ATAD1: variants seen among roughly 807,000 people sequenced by gnomAD.
ATAD1 encodes ATPase family AAA domain containing 1.
ATAD1 carries 18 observed loss-of-function variants against 42.7 expected under a neutral mutation model. The observed-to-expected ratio is 0.42, with a 90% CI of 0.29 to 0.63. ATAD1 has a LOEUF of 0.63. Among genes scored for constraint, ATAD1 ranks in the 20% least tolerant of loss-of-function variants. ATAD1 has a pLI of 0.19. For synonymous variants in ATAD1, 132 were observed against 143.1 expected, an observed-to-expected ratio of 0.92 and a Z score of 0.55; for missense variants, 294 against 440.4, an observed-to-expected ratio of 0.67 and a Z score of 2.98.
chr10:87,809,190 T>C (rs1589550051), intron 2 of ATAD1, among the ~76,000 whole-genome samples: 2 of 152,140 alleles, frequency 1.3e-5, no homozygotes, highest in African/African-American at 4.8e-5. Context: ...CCTTACACAA[T>C]ACAGGGATTG....
intron 1 of ATAD1, among the ~76,000 whole-genome samples, chr10:87,815,903 C>T (rs570817577): frequency 3.3e-4 from 51 of 152,242 alleles, no homozygotes; most frequent in Admixed American, 2.2e-3. Flanking sequence ...GGAGTCACTA[C>T]CATCTGAAAA....
chr10:87,818,276 C>A (rs1344812888), upstream of ATAD1: 3 of 985,040 alleles, frequency 3.0e-6, no homozygotes, highest in Non-Finnish European at 3.6e-6. Context: ...CTCCCTCCCA[C>A]GGAGCATGCG....
upstream of ATAD1, among the ~76,000 whole-genome samples, chr10:87,821,266 G>T (rs1857626093): frequency 6.6e-6 from 1 of 152,092 alleles, no homozygotes; most frequent in South Asian, 2.1e-4. Context: ...AGTGGCTCAC[G>T]CTTGTAATCC....
chr10:87,777,559 T>C (rs1004963740), intron 5 of ATAD1, among the ~76,000 whole-genome samples: 1 of 151,976 alleles, frequency 6.6e-6, no homozygotes, highest in Non-Finnish European at 1.5e-5. Context: ...AATTTTATTT[T>C]AGAATATAAG....
At position 87,809,572 on chromosome 10, in the gene ATAD1, T is replaced by C. The variant is rs181058561; in HGVS notation, c.162+4866A>G. ...TGCTTATGAGTGGACCTATGCAGTT[T>C]AAACACGTTGTTTGTTGTTCAAGGG... On this transcript the variant is annotated intron_variant, in intron 2 of 9. Transcript: ENST00000680024. 1.2e-4 allele frequency among the ~76,000 whole-genome samples: 18 copies of C among 152,046 alleles called. No individual in the cohort carries two copies. In the East Asian group the frequency reaches 3.3e-3, roughly 28 times the overall value.
In ATAD1 at chr10:87,753,424, TA is replaced by T. The variant is rs1854094559; in HGVS notation, c.*1262del. 6.6e-6 allele frequency: 1 copy of T among 152,220 alleles called. No individual in the cohort carries two copies. The highest frequency in any genetic ancestry group is 1.5e-5 in the Non-Finnish European group (1 of 68,022). The allele number at this position is 152,220 out of a possible 1,614,324, so 9.4% of individuals were successfully genotyped here. On this transcript the variant is annotated 3_prime_UTR_variant, in exon 10 of 10. Coordinates refer to ENST00000680024, the MANE Select transcript of ATAD1 (RefSeq NM_001321967.2). ...AGTAAAAGCAAAAACATATGAAGCA[TA>T]ATTTAATCTGATGATTCAGAAGGCA...
At chr10:87,758,635 A>G (rs1272945657) in intron 8 of ATAD1, among the ~76,000 whole-genome samples, 3 of 152,200 alleles carry the variant, frequency 2.0e-5, no homozygotes, top group African/African-American at 7.2e-5. Context: ...AAAGAAAAGC[A>G]GGAAGTAAAA....
intron 1 of ATAD1, chr10:87,832,360 C>T (rs1857848294): frequency 6.6e-6 from 1 of 151,658 alleles, no homozygotes; most frequent in Non-Finnish European, 1.5e-5. Context: ...TACCATTGCA[C>T]TCCAGCCTGG....
chr10:87,755,576 G>A (rs765787205), intron 9 of ATAD1, among the ~76,000 whole-genome samples: 3 of 151,958 alleles, frequency 2.0e-5, no homozygotes, highest in Admixed American at 1.3e-4. Context: ...CAAAATTTAC[G>A]AACTGGTTGG....
chr10:87,771,885 C>T (rs1855048839), intron 6 of ATAD1, among the ~76,000 whole-genome samples: 1 of 152,110 alleles, frequency 6.6e-6, no homozygotes, highest in Admixed American at 6.5e-5. Flanking sequence ...CAATACACAT[C>T]TGCTATCCAA....
chr10:87,761,980 A>C (rs1001931348), intron 8 of ATAD1, among the ~76,000 whole-genome samples: 7 of 152,060 alleles, frequency 4.6e-5, no homozygotes, highest in African/African-American at 1.7e-4. Flanking sequence ...CCTGGCCTCA[A>C]GTGATCCTCC....
intron 2 of ATAD1, among the ~76,000 whole-genome samples, chr10:87,807,118 CTTG>C (rs1383651826): frequency 1.3e-5 from 2 of 152,078 alleles, no homozygotes; most frequent in Non-Finnish European, 2.9e-5. Context: ...TTGTTTTTCT[CTTG>C]TTTATCTATC....
rs1054525559 is a variant in ATAD1 at position 87,775,869 on chromosome 10, G to C, written c.690+452C>G. Among the ~76,000 whole-genome samples the C allele has an allele frequency of 4.6e-5, 7 of 152,284 alleles. No homozygotes were observed. In the East Asian group the frequency reaches 1.3e-3, roughly 29 times the overall value. On this transcript the variant is annotated intron_variant, in intron 6 of 9. Transcript: ENST00000680024. ...AAGTGAGAAAGTGTTGTCAGTTTCA[G>C]CTACTAATGAACTCTGTCAAATGAA...
At chr10:87,762,757 G>C (rs1854542511) in intron 8 of ATAD1, among the ~76,000 whole-genome samples, 1 of 150,226 alleles carries the variant, frequency 6.7e-6, no homozygotes, top group South Asian at 2.1e-4. Flanking sequence ...ATGTTTTTTT[G>C]AAAGCAGTTA....
chr10:87,777,867 C>G (rs1855379341), intron 5 of ATAD1, among the ~76,000 whole-genome samples: 2 of 152,086 alleles, frequency 1.3e-5, no homozygotes, highest in Admixed American at 1.3e-4. Flanking sequence ...CCTGCAATGG[C>G]AAACATATAT....
chr10:87,839,127 A>T (rs1281259815), intron 1 of ATAD1, among the ~76,000 whole-genome samples: 1 of 152,248 alleles, frequency 6.6e-6, no homozygotes, highest in African/African-American at 2.4e-5. Flanking sequence ...CACTAGATGG[A>T]TAGCTTTAGA....
chr10:87,766,059 C>G (rs1854730240), intron 8 of ATAD1, among the ~76,000 whole-genome samples: 1 of 151,462 alleles, frequency 6.6e-6, no homozygotes. Flanking sequence ...AAAACAAAAA[C>G]AAAAAAACAG....
chr10:87,815,408 T>C (rs375703315), intron 1 of ATAD1, among the ~76,000 whole-genome samples: 1 of 152,050 alleles, frequency 6.6e-6, no homozygotes, highest in Non-Finnish European at 1.5e-5. Context: ...AATAAGCTTG[T>C]TAGGGATGAT....
At chr10:87,810,085 T>C (rs146772864) in intron 2 of ATAD1, among the ~76,000 whole-genome samples, 2 of 152,326 alleles carry the variant, frequency 1.3e-5, no homozygotes, top group African/African-American at 4.8e-5. Context: ...TTGATTTTTC[T>C]CTACTGTATA....
Sources: allele counts gnomAD v4.1 joint callset (sites outside exome capture counted in the v4.1 genomes callset), GRCh38; gene constraint gnomAD v4.1.1; transcripts MANE v1.5; gene names NCBI Gene and HGNC (gene_info 2026-07-23, HGNC 2026-07-21).